The following RANBP2 variants were observed in gnomAD, a reference collection of about 807,000 sequenced individuals.
The protein encoded by RANBP2 is RAN binding protein 2.
Under a neutral mutation model 303.6 loss-of-function variants are expected in RANBP2, and 57 were observed. That is an observed-to-expected ratio of 0.19 (90% CI 0.15 to 0.23). RANBP2 has a LOEUF of 0.23. RANBP2 is among the 10% of genes least tolerant of loss of function. RANBP2 has a pLI of 1.00. For synonymous variants in RANBP2, 1,167 were observed against 1,301.5 expected (o/e 0.90, Z 2.23); for missense variants, 3,138 against 3,780.8 (o/e 0.83, Z 4.46).
chr2:109,080,784 C>T, the RANBP2 span, among the ~76,000 whole-genome samples: 3 of 152,198 alleles, frequency 2.0e-5, no homozygotes, highest in African/African-American at 7.2e-5. Flanking sequence ...TGTGTAACCT[C>T]GTTCCTACAT....
At chr2:109,682,608 T>C in the RANBP2 span, among the ~76,000 whole-genome samples, 16 of 152,236 alleles carry the variant, frequency 1.1e-4, no homozygotes, top group African/African-American at 3.6e-4. Flanking sequence ...GAAAAATTGT[T>C]CCCCAAGTAC....
chr2:108,766,632 T>C lies in RANBP2; in HGVS notation c.6093T>C (p.Asp2031=). The C allele has an allele frequency of 7.4e-6, 12 of 1,611,998 alleles. No homozygotes were observed. The highest frequency in any genetic ancestry group is 1.0e-5 in the Non-Finnish European group (12 of 1,179,846). The change falls in exon 20 of 29, where the codon GAT becomes GAC. Residue 2031 remains aspartate (D), a synonymous_variant. Transcript: ENST00000283195. The part of the protein sequence containing the change: ...EKVELVTGEE[D]EKVLYSQRVK... Reference sequence around the variant, plus strand: ...TAGAACTTGTAACAGGAGAAGAAGATGAAAAAGTTCTGTATTCACAGCGGG... The same window carrying C: ...TAGAACTTGTAACAGGAGAAGAAGACGAAAAAGTTCTGTATTCACAGCGGG...
chr2:108,788,198 C>T, downstream of RANBP2: 1 of 1,073,650 alleles, frequency 9.3e-7, no homozygotes, highest in Non-Finnish European at 1.3e-6. Context: ...GCAGGCGAAT[C>T]ACCTGAGGTC....
At chr2:109,304,255 C>T in the RANBP2 span, among the ~76,000 whole-genome samples, 6 of 152,310 alleles carry the variant, frequency 3.9e-5, no homozygotes, top group African/African-American at 1.4e-4. Context: ...CCCATTCCAA[C>T]CCCAGCCCCT....
At chr2:109,122,248 C>T in the RANBP2 span, among the ~76,000 whole-genome samples, 10 of 152,132 alleles carry the variant, frequency 6.6e-5, no homozygotes, top group East Asian at 1.9e-4. Flanking sequence ...GAAGGATTTG[C>T]GGGCAGGTAG....
At chr2:109,217,905 C>G in the RANBP2 span, among the ~76,000 whole-genome samples, 1 of 152,140 alleles carries the variant, frequency 6.6e-6, no homozygotes, top group Non-Finnish European at 1.5e-5. Context: ...GGAGCTGGCC[C>G]GGCTGTGGGT....
the RANBP2 span, among the ~76,000 whole-genome samples, chr2:108,862,077 G>GTTT: frequency 1.6e-4 from 22 of 141,356 alleles, no homozygotes; most frequent in Non-Finnish European, 2.3e-4. Context: ...TATGATTTCA[G>GTTT]TTTTTTTTTT....
At chr2:109,213,399 C>T in the RANBP2 span, among the ~76,000 whole-genome samples, 43 of 152,202 alleles carry the variant, frequency 2.8e-4, no homozygotes. Flanking sequence ...GCTCCTCAAA[C>T]CTCCCTCATT....
chr2:108,740,555 A>G lies in RANBP2; in HGVS notation c.849A>G (p.Leu283=), dbSNP rs765638079. The change falls in exon 7 of 29, where the codon TTA becomes TTG. Residue 283 remains leucine, a synonymous_variant. Coordinates refer to ENST00000283195, the MANE Select transcript of RANBP2 (RefSeq NM_006267.5). ...ATGATGAACTGTCAGCTACTTTCTTAGAAATGAAAGGACATTTCTACATGC... is the reference window on the plus strand; with the variant it reads ...ATGATGAACTGTCAGCTACTTTCTTGGAAATGAAAGGACATTTCTACATGC... ...GGNDELSATF[L]EMKGHFYMHA... 1.3e-6 allele frequency: 2 copies of G among 1,597,450 alleles called. No homozygotes were observed. Among genetic ancestry groups the G allele is most frequent in the Non-Finnish European group, 1.7e-6 (2 of 1,179,790 alleles).
the RANBP2 span, among the ~76,000 whole-genome samples, chr2:108,837,696 G>C: frequency 6.6e-6 from 1 of 152,090 alleles, no homozygotes; most frequent in African/African-American, 2.4e-5. Flanking sequence ...CATAATACTT[G>C]ATCATAAACA....
At chr2:109,286,634 A>T in the RANBP2 span, among the ~76,000 whole-genome samples, 5 of 152,134 alleles carry the variant, frequency 3.3e-5, no homozygotes, top group Non-Finnish European at 7.4e-5. Flanking sequence ...CATGATTCTA[A>T]ATCCCAGGAG....
the RANBP2 span, among the ~76,000 whole-genome samples, chr2:109,303,801 G>A: frequency 1.3e-5 from 2 of 152,202 alleles, no homozygotes; most frequent in Non-Finnish European, 1.5e-5. Context: ...GTGAGTCTGT[G>A]AAGCCATCAC....
the RANBP2 span, among the ~76,000 whole-genome samples, chr2:109,454,512 G>A: frequency 2.6e-5 from 4 of 152,318 alleles, no homozygotes; most frequent in East Asian, 1.9e-4. Context: ...AAGTCCACAC[G>A]GTGAGAGCGC....
the RANBP2 span, chr2:108,857,066 CTTTTTTTTTTTTTT>C: frequency 3.7e-3 from 161 of 44,088 alleles, 1 homozygote; most frequent in African/African-American, 0.016. Flanking sequence ...GATACTATTG[CTTTTTTTTTTTTTT>C]TTTTTTTTTT....
chr2:109,710,428 G>A, the RANBP2 span, among the ~76,000 whole-genome samples: 3 of 151,354 alleles, frequency 2.0e-5, no homozygotes, highest in South Asian at 4.2e-4. Context: ...TGTGGATTCC[G>A]GCCCCCATTG....
the RANBP2 span, among the ~76,000 whole-genome samples, chr2:109,283,381 G>T: frequency 6.6e-6 from 1 of 152,168 alleles, no homozygotes; most frequent in South Asian, 2.1e-4. Flanking sequence ...ACCTCACTGC[G>T]TTGAAATTGA....
chr2:109,134,798 C>T, the RANBP2 span, among the ~76,000 whole-genome samples: 27 of 152,164 alleles, frequency 1.8e-4, no homozygotes, highest in African/African-American at 6.5e-4. Context: ...CCGTGCCTCA[C>T]GGCTGCAGAT....
At chr2:109,391,940 C>T in the RANBP2 span, among the ~76,000 whole-genome samples, 1 of 152,072 alleles carries the variant, frequency 6.6e-6, no homozygotes, top group Non-Finnish European at 1.5e-5. Context: ...ACCTCAGCCT[C>T]CTGAGTAGCC....
the RANBP2 span, among the ~76,000 whole-genome samples, chr2:109,418,964 G>A: frequency 1.3e-5 from 2 of 152,030 alleles, no homozygotes; most frequent in African/African-American, 2.4e-5. Context: ...AGAGCACAGC[G>A]CACCCCTGAT....
Sources: allele counts gnomAD v4.1 joint callset (sites outside exome capture counted in the v4.1 genomes callset), GRCh38; gene constraint gnomAD v4.1.1; transcripts MANE v1.5; gene names NCBI Gene and HGNC (gene_info 2026-07-23, HGNC 2026-07-21).